PGCKA1: variants seen among roughly 807,000 people sequenced by gnomAD.
The protein encoded by PGCKA1 is PDCD10 and GCKIII kinases associated 1.
At chr4:37,544,014 G>T in the PGCKA1 span, among the ~76,000 whole-genome samples, 1 of 151,970 alleles carries the variant, frequency 6.6e-6, no homozygotes, top group Non-Finnish European at 1.5e-5. Context: ...TTCCCTCTTG[G>T]TTTACTCCCT....
At chr4:37,498,244 C>T in the PGCKA1 span, among the ~76,000 whole-genome samples, 3 of 152,096 alleles carry the variant, frequency 2.0e-5, no homozygotes, top group African/African-American at 7.2e-5. Flanking sequence ...TTTATGGGAT[C>T]TCTATTCTGT....
At chr4:37,524,749 A>T in the PGCKA1 span, among the ~76,000 whole-genome samples, 1 of 152,212 alleles carries the variant, frequency 6.6e-6, no homozygotes, top group African/African-American at 2.4e-5. Flanking sequence ...TAGTAAAGAC[A>T]GTGCTTTTAA....
chr4:37,496,870 G>A, the PGCKA1 span, among the ~76,000 whole-genome samples: 1 of 152,266 alleles, frequency 6.6e-6, no homozygotes, highest in East Asian at 1.9e-4. Flanking sequence ...TTGTGAATGG[G>A]AGTTCATTTC....
chr4:37,570,369 C>T, the PGCKA1 span, among the ~76,000 whole-genome samples: 2 of 140,574 alleles, frequency 1.4e-5, no homozygotes, highest in South Asian at 2.2e-4. Context: ...GTAAACACAT[C>T]AGAAAAATTT....
chr4:37,539,358 C>T, the PGCKA1 span, among the ~76,000 whole-genome samples: 1 of 152,144 alleles, frequency 6.6e-6, no homozygotes, highest in African/African-American at 2.4e-5. Flanking sequence ...TGTAAGTTCC[C>T]CTCTAAACCC....
the PGCKA1 span, among the ~76,000 whole-genome samples, chr4:37,552,937 A>G: frequency 6.6e-6 from 1 of 152,150 alleles, no homozygotes; most frequent in Non-Finnish European, 1.5e-5. Flanking sequence ...GGGTCTCTCC[A>G]TTGTCTTTCA....
chr4:37,528,271 C>T, the PGCKA1 span, among the ~76,000 whole-genome samples: 7 of 152,132 alleles, frequency 4.6e-5, no homozygotes, highest in East Asian at 7.7e-4. Context: ...TTCACATCCT[C>T]GGCAAGGAAA....
the PGCKA1 span, chr4:37,591,285 C>T: frequency 6.6e-6 from 2 of 305,004 alleles, no homozygotes; most frequent in African/African-American, 2.1e-5. Context: ...GAACAGCTTG[C>T]TTGACAACCC....
the PGCKA1 span, among the ~76,000 whole-genome samples, chr4:37,472,423 A>G: frequency 6.6e-6 from 1 of 152,180 alleles, no homozygotes; most frequent in Admixed American, 6.5e-5. Context: ...GAAAAAATTT[A>G]TTTCTTACAA....
At chr4:37,582,790 G>A in the PGCKA1 span, among the ~76,000 whole-genome samples, 22 of 152,188 alleles carry the variant, frequency 1.4e-4, no homozygotes, top group Middle Eastern at 3.4e-3. Flanking sequence ...TTTCTCCAAC[G>A]TAAGGATAAT....
chr4:37,593,437 A>G, the PGCKA1 span, among the ~76,000 whole-genome samples: 1 of 152,212 alleles, frequency 6.6e-6, no homozygotes, highest in Admixed American at 6.5e-5. Context: ...TTTGTAGTCC[A>G]TAATGGCTGC....
chr4:37,504,173 G>A, the PGCKA1 span, among the ~76,000 whole-genome samples: 1 of 152,092 alleles, frequency 6.6e-6, no homozygotes, highest in South Asian at 2.1e-4. Context: ...TGGCTATCCG[G>A]TTTTCCAAGT....
the PGCKA1 span, among the ~76,000 whole-genome samples, chr4:37,517,174 C>T: frequency 1.3e-5 from 2 of 151,486 alleles, no homozygotes; most frequent in African/African-American, 4.9e-5. Flanking sequence ...TCACTTGAAC[C>T]CGGGAGGCGG....
chr4:37,506,403 C>T, the PGCKA1 span, among the ~76,000 whole-genome samples: 2 of 151,928 alleles, frequency 1.3e-5, no homozygotes, highest in South Asian at 2.1e-4. Flanking sequence ...GATGTAGGTA[C>T]TCATAGCTAT....
the PGCKA1 span, among the ~76,000 whole-genome samples, chr4:37,552,576 C>T: frequency 1.3e-5 from 2 of 152,122 alleles, no homozygotes; most frequent in Non-Finnish European, 2.9e-5. Context: ...TAAGAGAAAC[C>T]AGGGGCAGTA....
the PGCKA1 span, among the ~76,000 whole-genome samples, chr4:37,533,680 C>G: frequency 6.6e-6 from 1 of 152,176 alleles, no homozygotes; most frequent in Admixed American, 6.5e-5. Context: ...CCAATATTTT[C>G]TGGAAAATTG....
chr4:37,484,405 C>T, the PGCKA1 span, among the ~76,000 whole-genome samples: 1 of 152,138 alleles, frequency 6.6e-6, no homozygotes, highest in Non-Finnish European at 1.5e-5. Flanking sequence ...AAACCATCCC[C>T]ATGATTCAAT....
At chr4:37,576,648 A>C in the PGCKA1 span, among the ~76,000 whole-genome samples, 1 of 152,020 alleles carries the variant, frequency 6.6e-6, no homozygotes, top group African/African-American at 2.4e-5. Flanking sequence ...GGGCATCCTT[A>C]TCATGTTTTA....
chr4:37,557,875 T>A, the PGCKA1 span, among the ~76,000 whole-genome samples: 6 of 152,194 alleles, frequency 3.9e-5, no homozygotes, highest in African/African-American at 1.4e-4. Flanking sequence ...CTTGCCTTCC[T>A]GGGCAAACTG....
Sources: gnomAD v4.1 joint callset for allele counts (sites outside exome capture counted in the v4.1 genomes callset) on GRCh38, gnomAD v4.1.1 for gene constraint, MANE v1.5 for transcripts, NCBI Gene and HGNC (gene_info 2026-07-23, HGNC 2026-07-21) for gene names.